SPHKAP: variants seen among roughly 807,000 people sequenced by gnomAD.
The protein encoded by SPHKAP is SPHK1 interactor, AKAP domain containing.
Under a neutral mutation model 137.5 loss-of-function variants are expected in SPHKAP, and 67 were observed. The ratio of observed to expected loss-of-function variants is 0.49; its 90% confidence interval spans 0.40 to 0.60. The LOEUF is 0.60. SPHKAP is among the 20% of genes least tolerant of loss of function. SPHKAP has a pLI of 0.00. For synonymous variants in SPHKAP, 813 were observed against 785.3 expected, an observed-to-expected ratio of 1.04 and a Z score of -0.59; for missense variants, 2,097 against 2,069.3, an observed-to-expected ratio of 1.01 and a Z score of -0.26.
chr2:228,046,150 C>G lies in SPHKAP; in HGVS notation c.247-18607G>C, dbSNP rs1030664183. 3.9e-5 allele frequency among the ~76,000 whole-genome samples: 6 copies of G among 152,038 alleles called. 1 individual carries two copies. The highest frequency in any genetic ancestry group is 1.3e-4 in the Admixed American group (2 of 15,262). ...TAATTAGATTACAGTAATCAGTACA[C>G]AATGTATACATAGGTCAAATCAAGG... On this transcript the variant is annotated intron_variant, in intron 3 of 11. Transcript: ENST00000392056.
At chr2:228,081,443 G>A (rs767359225) in intron 3 of SPHKAP, among the ~76,000 whole-genome samples, 2 of 152,062 alleles carry the variant, frequency 1.3e-5, no homozygotes, top group Admixed American at 6.6e-5. Context: ...TATACTTTTC[G>A]TTCACAATCC....
chr2:228,152,475 C>T (rs1408733817), intron 1 of SPHKAP, among the ~76,000 whole-genome samples: 1 of 152,044 alleles, frequency 6.6e-6, no homozygotes, highest in Non-Finnish European at 1.5e-5. Flanking sequence ...ATATATTTTT[C>T]CATACTTATT....
chr2:228,122,329 C>A (rs1312891375), intron 2 of SPHKAP, among the ~76,000 whole-genome samples: 1 of 152,010 alleles, frequency 6.6e-6, no homozygotes, highest in East Asian at 1.9e-4. Flanking sequence ...CTGCAGGTTC[C>A]TTCCAGGGGC....
intron 7 of SPHKAP, among the ~76,000 whole-genome samples, chr2:228,000,264 G>T (rs1693799897): frequency 6.6e-6 from 1 of 151,874 alleles, no homozygotes; most frequent in South Asian, 2.1e-4. Context: ...TGGATCACCT[G>T]AGGTCAGGAG....
Position 228,016,955 on chromosome 2 carries a change from T to C in SPHKAP, c.3899A>G (p.His1300Arg). 6.2e-7 allele frequency: 1 copy of C among 1,614,154 alleles called. No homozygotes were observed. Among genetic ancestry groups the C allele is most frequent in the South Asian group, 1.1e-5 (1 of 91,070 alleles). The change falls in exon 7 of 12, where the codon CAC becomes CGC. Residue 1300 changes from histidine to arginine, a missense_variant. By Grantham distance (29) the His-to-Arg change is conservative (BLOSUM62 0). Coordinates refer to ENST00000392056, the MANE Select transcript of SPHKAP (RefSeq NM_001142644.2). ...TTCATGAATTAACATGTTGGTGATG[T>C]GGTCAGTCCCACCTCTCCGATACAA... ...SCLYRRGGTD[H>R]ITNMLIHETW... is the part of the protein sequence containing the mutation.
At chr2:228,048,129 T>C (rs1696130603) in intron 3 of SPHKAP, among the ~76,000 whole-genome samples, 1 of 152,172 alleles carries the variant, frequency 6.6e-6, no homozygotes, top group African/African-American at 2.4e-5. Context: ...GGGGACACCA[T>C]GCTCCTTGAA....
Position 228,020,292 on chromosome 2 carries a change from C to T in SPHKAP, c.698-136G>A. 3.1e-6 allele frequency: 4 copies of T among 1,310,228 alleles called. No individual in the cohort carries two copies. In the South Asian group the frequency reaches 4.6e-5, roughly 15 times the overall value. The allele number at this position is 1,310,228 out of a possible 1,614,324, so 81.2% of individuals were successfully genotyped here. A position where few individuals can be genotyped will look rare whatever the true frequency, so the allele number is the denominator to read the frequency against. ...CATATGTTTATTGCAGCACTATTCA[C>T]AATAGCAAAGACTTGGAACCAACCC... On this transcript the variant is annotated intron_variant, in intron 6 of 11. Transcript: ENST00000392056.
intron 1 of SPHKAP, among the ~76,000 whole-genome samples, chr2:228,178,743 C>A (rs1228840184): frequency 6.6e-6 from 1 of 151,958 alleles, no homozygotes; most frequent in Non-Finnish European, 1.5e-5. Context: ...CATTTAATCT[C>A]TGCACAGCTT....
intron 3 of SPHKAP, among the ~76,000 whole-genome samples, chr2:228,104,237 CATTAT>C (rs1330625059): frequency 2.9e-5 from 4 of 139,654 alleles, no homozygotes; most frequent in Admixed American, 7.7e-5. Context: ...TATGTTATAT[CATTAT>C]ATTATATATT....
At chr2:228,113,629 CT>C (rs1698596210) in intron 2 of SPHKAP, among the ~76,000 whole-genome samples, 1 of 147,056 alleles carries the variant, frequency 6.8e-6, no homozygotes, top group East Asian at 2.0e-4. Context: ...CTCTCTCTCT[CT>C]CTCTCTCTCT....
chr2:228,165,450 C>G (rs1158549755), intron 1 of SPHKAP, among the ~76,000 whole-genome samples: 1 of 152,174 alleles, frequency 6.6e-6, no homozygotes, highest in East Asian at 1.9e-4. Flanking sequence ...GTTGAAATAA[C>G]TACCAGTGCA....
intron 1 of SPHKAP, among the ~76,000 whole-genome samples, chr2:228,159,437 G>A (rs965952145): frequency 2.6e-5 from 4 of 152,028 alleles, no homozygotes; most frequent in Admixed American, 2.6e-4. Context: ...AACTGCAACT[G>A]GAAACAACGC....
At chr2:228,171,213 G>T (rs1412100585) in intron 1 of SPHKAP, among the ~76,000 whole-genome samples, 4 of 152,086 alleles carry the variant, frequency 2.6e-5, no homozygotes, top group Admixed American at 1.3e-4. Context: ...AGTAAATCCA[G>T]TGCAGTCTTA....
rs1172362105 is a variant in SPHKAP, at chr2:228,020,239, AT to A, written c.698-84del. The A allele has an allele frequency of 2.0e-6, 3 of 1,499,818 alleles. No individual in the cohort carries two copies. In the African/African-American group the frequency reaches 4.2e-5, roughly 21 times the overall value. The allele number at this position is 1,499,818 out of a possible 1,614,324, so 92.9% of individuals were successfully genotyped here. Reference sequence around the variant, plus strand: ...CTTAAGTAATAATTACTTTCTAAAAATAAAACATCAATAAAGACACATGCAC... The same window carrying A: ...CTTAAGTAATAATTACTTTCTAAAAAAAAACATCAATAAAGACACATGCAC... On this transcript the variant is annotated intron_variant, in intron 6 of 11. Coordinates refer to ENST00000392056, the MANE Select transcript of SPHKAP (RefSeq NM_001142644.2).
chr2:228,082,806 G>A lies in SPHKAP; in HGVS notation c.246+26026C>T, dbSNP rs534290223. On this transcript the variant is annotated intron_variant, in intron 3 of 11. Coordinates refer to ENST00000392056, the MANE Select transcript of SPHKAP (RefSeq NM_001142644.2). ...CTCTTTACCCCTCAGAGATGCTGTC[G>A]GAATTAATGAATCCACCTAATGTGC... is the stretch of plus-strand genomic sequence containing the variant. 2.8e-4 allele frequency among the ~76,000 whole-genome samples: 42 copies of A among 151,462 alleles called. 1 individual carries two copies. The highest frequency in any genetic ancestry group is 2.6e-3 in the Admixed American group (40 of 15,270).
Position 227,981,695 on chromosome 2 carries a change from A to G in SPHKAP, c.*22T>C, listed in dbSNP as rs1384581419. ...TAAGTTGGAATAAAGGGAAGGAATG[A>G]TCTATACGGCAGACTGCCTTATTAT... On this transcript the variant is annotated 3_prime_UTR_variant, in exon 12 of 12. Transcript: ENST00000392056. The G allele has an allele frequency of 6.2e-7, 1 of 1,604,864 alleles. No individual in the cohort carries two copies. The highest frequency in any genetic ancestry group is 1.7e-5 in the Admixed American group (1 of 58,158).
intron 3 of SPHKAP, among the ~76,000 whole-genome samples, chr2:228,036,530 T>C (rs1279666495): frequency 6.6e-6 from 1 of 152,222 alleles, no homozygotes; most frequent in African/African-American, 2.4e-5. Context: ...ATCCCATTAC[T>C]GGGTATATAC....
intron 2 of SPHKAP, among the ~76,000 whole-genome samples, chr2:228,111,838 A>G (rs1375167834): frequency 6.6e-6 from 1 of 152,014 alleles, no homozygotes; most frequent in Non-Finnish European, 1.5e-5. Context: ...TGTCTTATAT[A>G]CCCATACAAA....
At chr2:228,055,142 C>CAAAAAAAAAAAAAAAAAAAAAAAAAAAAA (rs58091970) in intron 3 of SPHKAP, among the ~76,000 whole-genome samples, 1 of 61,308 alleles carries the variant, frequency 1.6e-5, no homozygotes, top group African/African-American at 5.7e-5. Context: ...AACTCCACTC[C>CAAAAAAAAAAAAAAAAAAAAAAAAAAAAA]AAAAAAAAAA....
Sources: gnomAD v4.1 joint callset for allele counts (sites outside exome capture counted in the v4.1 genomes callset) on GRCh38, gnomAD v4.1.1 for gene constraint, MANE v1.5 for transcripts, NCBI Gene and HGNC (gene_info 2026-07-23, HGNC 2026-07-21) for gene names.